SLC35F1: variants seen among roughly 807,000 people sequenced by gnomAD.
SLC35F1 encodes solute carrier family 35 member F1, also known as chromosome 6 open reading frame 169.
SLC35F1 carries 14 observed loss-of-function variants against 48.7 expected under a neutral mutation model. The observed-to-expected ratio is 0.29, with a 90% CI of 0.19 to 0.45. SLC35F1 has a LOEUF of 0.45. Among genes scored for constraint, SLC35F1 ranks in the 20% least tolerant of loss-of-function variants. The pLI, the probability that SLC35F1 is intolerant of heterozygous loss-of-function variation, is 1.00. For synonymous variants in SLC35F1, 190 were observed against 202.2 expected (o/e 0.94, Z 0.51); for missense variants, 404 against 500.0 (o/e 0.81, Z 1.83).
At position 118,155,970 on chromosome 6, in the gene SLC35F1, T is replaced by C. The variant is rs1183408788; in HGVS notation, c.349+1350T>C. Among the ~76,000 whole-genome samples, 5 of 152,220 alleles carry C rather than the reference T, an allele frequency of 3.3e-5. No individual in the cohort carries two copies. The East Asian group carries it at 9.6e-4, about 29-fold the overall frequency. On this transcript the variant is annotated intron_variant, in intron 2 of 7. Transcript: ENST00000360388. ...TTGACCAATACTGGACTTCATCTCA[T>C]AGGAGGAATAAATATGAACAAGTTG...
intron 1 of SLC35F1, among the ~76,000 whole-genome samples, chr6:117,948,401 G>A (rs916040074): frequency 1.3e-5 from 2 of 151,992 alleles, no homozygotes; most frequent in African/African-American, 4.8e-5. Flanking sequence ...TCTAACTCAC[G>A]TTCATATAAT....
At chr6:117,974,644 A>G (rs1776683520) in intron 1 of SLC35F1, among the ~76,000 whole-genome samples, 1 of 152,230 alleles carries the variant, frequency 6.6e-6, no homozygotes, top group South Asian at 2.1e-4. Context: ...ATTATTAAAG[A>G]CCCAAAGAGC....
chr6:118,243,429 C>T (rs139419216), intron 3 of SLC35F1, among the ~76,000 whole-genome samples: 2 of 152,172 alleles, frequency 1.3e-5, no homozygotes, highest in African/African-American at 4.8e-5. Context: ...GCCTGGGCAA[C>T]ATAGCAGGAC....
chr6:118,013,862 T>C (rs1777284875), intron 1 of SLC35F1, among the ~76,000 whole-genome samples: 1 of 152,212 alleles, frequency 6.6e-6, no homozygotes, highest in South Asian at 2.1e-4. Context: ...CCCACTTACA[T>C]AGAGAATTTC....
intron 1 of SLC35F1, among the ~76,000 whole-genome samples, chr6:118,108,860 G>T (rs981371135): frequency 6.6e-6 from 1 of 152,004 alleles, no homozygotes; most frequent in Admixed American, 6.6e-5. Flanking sequence ...TTCTCACACT[G>T]GGAAAATTAA....
chr6:118,193,234 TAATCTTAATCAG>T (rs1335541537), intron 2 of SLC35F1, among the ~76,000 whole-genome samples: 1 of 152,198 alleles, frequency 6.6e-6, no homozygotes, highest in Admixed American at 6.5e-5. Flanking sequence ...CAAATCTATC[TAATCTTAATCAG>T]TTTGACCATA....
chr6:117,907,878 G>A lies in SLC35F1; in HGVS notation c.152G>A (p.Arg51Lys), dbSNP rs1243291374. Residue 51 changes from arginine to lysine, a missense_variant, in exon 1 of 8, where the codon AGG (arginine) becomes AAG (lysine). By Grantham distance (26) the Arg-to-Lys change is conservative (BLOSUM62 2). This residue lies in a region of SLC35F1 where 98 missense variants were observed against 81.0 expected (regional missense o/e 1.21). Coordinates refer to ENST00000360388, the MANE Select transcript of SLC35F1 (RefSeq NM_001029858.4). The part of the protein sequence containing the change: ...SASSRAGVRQ[R>K]IRKVLNREML... ...TCCTCCCGGGCTGGCGTGCGCCAGA[G>A]GATCCGCAAAGTGCTGAACAGGTGA... The A allele has an allele frequency of 2.0e-6, 3 of 1,502,496 alleles. No homozygotes were observed. The highest frequency in any genetic ancestry group is 2.5e-5 in the South Asian group (2 of 79,744). The allele number at this position is 1,502,496 out of a possible 1,614,324, so 93.1% of individuals were successfully genotyped here. A position where few individuals can be genotyped will look rare whatever the true frequency, so the allele number is the denominator to read the frequency against.
intron 1 of SLC35F1, among the ~76,000 whole-genome samples, chr6:118,021,234 A>G (rs1282024651): frequency 6.6e-6 from 1 of 152,110 alleles, no homozygotes; most frequent in Non-Finnish European, 1.5e-5. Context: ...GATTTTAGAG[A>G]TTGAGTAGAG....
At chr6:118,145,208 A>G (rs2114450577) in intron 1 of SLC35F1, among the ~76,000 whole-genome samples, 1 of 152,276 alleles carries the variant, frequency 6.6e-6, no homozygotes, top group Non-Finnish European at 1.5e-5. Flanking sequence ...TGCATTTCAT[A>G]AGAAGGGAAT....
At chr6:117,923,492 A>G (rs1380592356) in intron 1 of SLC35F1, among the ~76,000 whole-genome samples, 1 of 31,058 alleles carries the variant, frequency 3.2e-5, no homozygotes, top group African/African-American at 1.4e-4. Flanking sequence ...GTATATATAT[A>G]TAAAATATAT....
At chr6:118,311,929 T>A (rs1776377022) in intron 7 of SLC35F1, among the ~76,000 whole-genome samples, 1 of 152,254 alleles carries the variant, frequency 6.6e-6, no homozygotes, top group African/African-American at 2.4e-5. Context: ...GTGAATTGAA[T>A]GTTTACAGCA....
chr6:117,959,345 G>A (rs924445062), intron 1 of SLC35F1, among the ~76,000 whole-genome samples: 1 of 152,152 alleles, frequency 6.6e-6, no homozygotes, highest in African/African-American at 2.4e-5. Context: ...GTGTTTGAGA[G>A]TTGAGTACCC....
intron 2 of SLC35F1, among the ~76,000 whole-genome samples, chr6:118,223,425 A>G (rs2114566380): frequency 6.6e-6 from 1 of 152,270 alleles, no homozygotes; most frequent in South Asian, 2.1e-4. Context: ...TGCTTGCCTC[A>G]TTTTATAAAT....
chr6:118,043,748 A>G (rs1386615589), intron 1 of SLC35F1, among the ~76,000 whole-genome samples: 1 of 152,192 alleles, frequency 6.6e-6, no homozygotes, highest in Non-Finnish European at 1.5e-5. Context: ...ACGCTTATGC[A>G]CTTTTAGAAA....
intron 1 of SLC35F1, among the ~76,000 whole-genome samples, chr6:117,947,505 A>G (rs1776310288): frequency 6.6e-6 from 1 of 152,196 alleles, no homozygotes. Context: ...AAGAAGAGAC[A>G]GTCATAAGTG....
intron 1 of SLC35F1, among the ~76,000 whole-genome samples, chr6:118,039,378 A>G (rs955663458): frequency 3.3e-5 from 5 of 152,060 alleles, no homozygotes; most frequent in African/African-American, 1.2e-4. Context: ...TAATGAATCT[A>G]TAAGTCTGTG....
At chr6:118,116,431 C>T (rs1051784242) in intron 1 of SLC35F1, among the ~76,000 whole-genome samples, 2 of 152,110 alleles carry the variant, frequency 1.3e-5, no homozygotes, top group Non-Finnish European at 2.9e-5. Flanking sequence ...GTGTGGTCAA[C>T]GTTTTGCAAC....
chr6:118,251,633 A>G (rs1212607883), intron 3 of SLC35F1, among the ~76,000 whole-genome samples: 1 of 152,206 alleles, frequency 6.6e-6, no homozygotes, highest in Non-Finnish European at 1.5e-5. Context: ...GATCCCTTGC[A>G]TGATCTGATC....
At chr6:117,978,955 C>T (rs774494577) in intron 1 of SLC35F1, among the ~76,000 whole-genome samples, 2 of 152,172 alleles carry the variant, frequency 1.3e-5, no homozygotes, top group African/African-American at 2.4e-5. Context: ...CCTTTGGGGG[C>T]ATGTGGAGCT....
Sources: allele counts gnomAD v4.1 joint callset (sites outside exome capture counted in the v4.1 genomes callset), GRCh38; gene constraint gnomAD v4.1.1; regional missense constraint gnomAD v4.1.1; transcripts MANE v1.5; gene names NCBI Gene and HGNC (gene_info 2026-07-23, HGNC 2026-07-21).